NRXN3: variants seen among roughly 807,000 people sequenced by gnomAD.
NRXN3 encodes the protein neurexin III.
In NRXN3, 32 loss-of-function variants were observed where a neutral mutation model predicts 137.6. The observed-to-expected ratio is 0.23, with a 90% CI of 0.18 to 0.31. The LOEUF (loss-of-function observed/expected upper bound fraction) is 0.31, where lower values mean the gene tolerates loss of function less well. Among genes scored for constraint, NRXN3 ranks in the 10% least tolerant of loss-of-function variants. NRXN3 has a pLI of 1.00. For missense variants in NRXN3, 1,574 were observed against 2,062.5 expected (o/e 0.76, Z 4.59); for synonymous variants, 798 against 784.5 (o/e 1.02, Z -0.29).
At chr14:78,701,131 G>A (rs748335487) in intron 6 of NRXN3, among the ~76,000 whole-genome samples, 4 of 152,160 alleles carry the variant, frequency 2.6e-5, no homozygotes, top group Non-Finnish European at 4.4e-5. Context: ...AGCCATTTAA[G>A]TGGAATAAAA....
At chr14:79,422,757 T>A (rs1334082373) in intron 15 of NRXN3, among the ~76,000 whole-genome samples, 1 of 148,820 alleles carries the variant, frequency 6.7e-6, no homozygotes, top group Non-Finnish European at 1.5e-5. Context: ...TGGAATGCAG[T>A]GGCACAATCT....
chr14:79,044,392 C>T (rs1185750566), intron 15 of NRXN3, among the ~76,000 whole-genome samples: 2 of 152,110 alleles, frequency 1.3e-5, no homozygotes, highest in Non-Finnish European at 2.9e-5. Flanking sequence ...GCTATGAAAC[C>T]TGGGCCGAGT....
At chr14:79,782,892 T>C (rs1157972012) in intron 19 of NRXN3, among the ~76,000 whole-genome samples, 3 of 152,152 alleles carry the variant, frequency 2.0e-5, no homozygotes, top group Non-Finnish European at 4.4e-5. Flanking sequence ...AGATACGAAT[T>C]TTGGCCTCAT....
At position 78,932,170 on chromosome 14, in the gene NRXN3, T is replaced by A. The variant is rs186977970; in HGVS notation, c.2276-25072T>A. On this transcript the variant is annotated intron_variant, in intron 10 of 20. Coordinates refer to ENST00000335750, the MANE Select transcript of NRXN3 (RefSeq NM_001330195.2). ...TAATTAATTAATTAATTAATTTTTT[T>A]AAAAAGCCAAGGAAATCATTTGGCT... is the stretch of plus-strand genomic sequence containing the variant. Among the ~76,000 whole-genome samples, 123 of 152,100 alleles carry A rather than the reference T, an allele frequency of 8.1e-4. No homozygotes were observed. In the East Asian group the frequency reaches 0.019, roughly 23 times the overall value.
chr14:78,638,334 TTAAAA>T (rs1419841845), intron 4 of NRXN3, among the ~76,000 whole-genome samples: 1 of 152,206 alleles, frequency 6.6e-6, no homozygotes, highest in African/African-American at 2.4e-5. Flanking sequence ...CACTCTGCTT[TTAAAA>T]TACCTGTGTG....
rs543207232 is a variant in NRXN3, at chr14:79,720,169, A to C, written c.4014+22232A>C. Among the ~76,000 whole-genome samples, 7 of 152,238 alleles carry C rather than the reference A, an allele frequency of 4.6e-5. No homozygotes were observed. In the South Asian group the frequency reaches 1.2e-3, roughly 27 times the overall value. On this transcript the variant is annotated intron_variant, in intron 19 of 20. Transcript: ENST00000335750. ...ATCATGGTGGAAGGCAAAGGGGAAGAAAGACACGTTTTACATGTCAGCAGG... is the reference window on the plus strand; with the variant it reads ...ATCATGGTGGAAGGCAAAGGGGAAGCAAGACACGTTTTACATGTCAGCAGG...
intron 10 of NRXN3, among the ~76,000 whole-genome samples, chr14:78,896,457 T>C (rs2099175140): frequency 6.6e-6 from 1 of 151,874 alleles, no homozygotes. Context: ...ACAGACACTA[T>C]CTTGAATGCG....
chr14:79,701,116 C>T (rs10483933), intron 19 of NRXN3, among the ~76,000 whole-genome samples: 8,447 of 151,992 alleles, frequency 0.056, 294 homozygotes, highest in South Asian at 0.15. Context: ...GATCAGGGTG[C>T]TTTGGCCAAA....
chr14:78,205,691 A>G (rs1156937211), intron 1 of NRXN3, among the ~76,000 whole-genome samples: 2 of 152,178 alleles, frequency 1.3e-5, no homozygotes, highest in African/African-American at 4.8e-5. Context: ...GATGAGAGGG[A>G]TGCATCTAAA....
intron 3 of NRXN3, among the ~76,000 whole-genome samples, chr14:78,294,044 A>G (rs1337259652): frequency 6.6e-6 from 1 of 152,198 alleles, no homozygotes; most frequent in Admixed American, 6.5e-5. Context: ...TCTGTCCTCC[A>G]GAAACCTTTT....
chr14:78,499,037 T>A (rs935561473), intron 4 of NRXN3, among the ~76,000 whole-genome samples: 1 of 152,124 alleles, frequency 6.6e-6, no homozygotes, highest in East Asian at 1.9e-4. Flanking sequence ...GGCTACCTCA[T>A]TGGAAGTTGA....
chr14:78,272,363 AGAG>A (rs1433279387), intron 2 of NRXN3, among the ~76,000 whole-genome samples: 1 of 152,238 alleles, frequency 6.6e-6, no homozygotes, highest in Non-Finnish European at 1.5e-5. Context: ...GACCCTGGGA[AGAG>A]GCCCATCTAG....
At position 79,864,557 on chromosome 14, in the gene NRXN3, A is replaced by G. The variant is rs776579302; in HGVS notation, c.*2593A>G. On this transcript the variant is annotated 3_prime_UTR_variant, in exon 21 of 21. Transcript: ENST00000335750. ...ATAGAAGATATTCTAAGCAGTTACT[A>G]ATTATTACATTATCAAAATGCCATA... 2.0e-5 allele frequency: 3 copies of G among 152,462 alleles called. No homozygotes were observed. Among genetic ancestry groups the G allele is most frequent in the Non-Finnish European group, 4.4e-5 (3 of 68,040 alleles). The allele number at this position is 152,462 out of a possible 1,614,324, so 9.4% of individuals were successfully genotyped here.
At chr14:78,190,969 C>CA (rs2060674538) in intron 1 of NRXN3, among the ~76,000 whole-genome samples, 1 of 152,158 alleles carries the variant, frequency 6.6e-6, no homozygotes, top group East Asian at 1.9e-4. Context: ...CTGCTGCCCC[C>CA]ACCCAGTGAC....
At position 79,401,410 on chromosome 14, in the gene NRXN3, T is replaced by C. The variant is rs141868851; in HGVS notation, c.3263-65811T>C. 2.4e-3 allele frequency among the ~76,000 whole-genome samples: 359 copies of C among 152,240 alleles called. 8 individuals are homozygous for C. The East Asian group carries it at 0.058, about 25-fold the overall frequency. ...CTTTTTAGAAGTGCAAATCCTCTAG[T>C]CCCACACCAGACTTACTGACTCAGA... On this transcript the variant is annotated intron_variant, in intron 15 of 20. Transcript: ENST00000335750.
intron 20 of NRXN3, among the ~76,000 whole-genome samples, chr14:79,811,959 AAAATC>A (rs2099235507): frequency 1.3e-5 from 2 of 152,138 alleles, no homozygotes; most frequent in African/African-American, 4.8e-5. Flanking sequence ...ATGTGCTTTT[AAAATC>A]CTTAATGGTG....
chr14:79,037,424 C>T (rs957974623), intron 15 of NRXN3, among the ~76,000 whole-genome samples: 1 of 152,064 alleles, frequency 6.6e-6, no homozygotes, highest in Admixed American at 6.6e-5. Context: ...AATCTGAGTA[C>T]CACTTCCTCC....
Position 78,709,581 on chromosome 14 carries a change from A to G in NRXN3, c.1586A>G (p.Lys529Arg). ...CTTGACATGGGCTCTGGCACCATCA[A>G]AGTGAAAGCCACTCAGAAGAAAGCC... ...LLLDMGSGTI[K>R]VKATQKKAND... The change falls in exon 7 of 21, where the codon AAA (lysine) becomes AGA (arginine). Residue 529 changes from lysine to arginine, a missense_variant. Transcript: ENST00000335750. The G allele has an allele frequency of 1.2e-6, 2 of 1,614,006 alleles. No individual in the cohort carries two copies. The highest frequency in any genetic ancestry group is 1.7e-4 in the Middle Eastern group (1 of 6,060).
At chr14:78,249,995 A>C (rs534277933) in intron 2 of NRXN3, 1 of 433,862 alleles carries the variant, frequency 2.3e-6, no homozygotes, top group Non-Finnish European at 4.6e-6. Context: ...ATCACAGAGC[A>C]CTGGCTCCAG....
Sources: allele counts gnomAD v4.1 joint callset (sites outside exome capture counted in the v4.1 genomes callset), GRCh38; gene constraint gnomAD v4.1.1; transcripts MANE v1.5; gene names NCBI Gene and HGNC (gene_info 2026-07-23, HGNC 2026-07-21).